Variants in MAN1C1 observed in about 807,000 individuals in gnomAD.
MAN1C1 encodes mannosidase alpha class 1C member 1.
Under a neutral mutation model 71.5 loss-of-function variants are expected in MAN1C1, and 49 were observed. That is an observed-to-expected ratio of 0.69 (90% CI 0.54 to 0.87). MAN1C1 has a LOEUF of 0.87. Ranked by LOEUF, MAN1C1 falls within the 40% of genes least tolerant of loss-of-function variation. The probability of loss-of-function intolerance (pLI) is 0.00; values close to 1 mark genes in which losing one functional copy is unlikely to be tolerated. For missense variants in MAN1C1, 743 were observed against 835.0 expected, an observed-to-expected ratio of 0.89 and a Z score of 1.36; for synonymous variants, 352 against 343.7, an observed-to-expected ratio of 1.02 and a Z score of -0.27.
At chr1:25,738,272 T>G (rs937704395) in intron 2 of MAN1C1, among the ~76,000 whole-genome samples, 5 of 151,920 alleles carry the variant, frequency 3.3e-5, no homozygotes, top group African/African-American at 1.2e-4. Context: ...GGAAAAAAAA[T>G]TAAAACACGA....
intron 1 of MAN1C1, among the ~76,000 whole-genome samples, chr1:25,666,171 C>T (rs959620062): frequency 6.6e-6 from 1 of 152,188 alleles, no homozygotes; most frequent in Non-Finnish European, 1.5e-5. Flanking sequence ...AATTATGCCT[C>T]TGATTTCTTC....
intron 1 of MAN1C1, among the ~76,000 whole-genome samples, chr1:25,674,356 A>G (rs2046034821): frequency 1.3e-5 from 2 of 152,164 alleles, no homozygotes; most frequent in Non-Finnish European, 2.9e-5. Flanking sequence ...TTTAATCAAC[A>G]TATTTTTATG....
At chr1:25,718,366 A>T (rs1456577723) in intron 2 of MAN1C1, among the ~76,000 whole-genome samples, 1 of 151,974 alleles carries the variant, frequency 6.6e-6, no homozygotes, top group Non-Finnish European at 1.5e-5. Context: ...TGGACAGTTG[A>T]CTCTCTGCCT....
chr1:25,768,598 T>C (rs1194773223), intron 7 of MAN1C1, among the ~76,000 whole-genome samples: 5 of 43,164 alleles, frequency 1.2e-4, no homozygotes, highest in African/African-American at 1.7e-4. Flanking sequence ...ACACCCACAC[T>C]CCCCTCACAT....
rs141027576 is a variant in MAN1C1, at chr1:25,744,320, C to T, written c.638-2348C>T. Among the ~76,000 whole-genome samples the T allele has an allele frequency of 1.7e-4, 26 of 152,258 alleles. No homozygotes were observed. The East Asian group carries it at 4.6e-3, about 27-fold the overall frequency. On this transcript the variant is annotated intron_variant, in intron 2 of 11. Coordinates refer to ENST00000374332, the MANE Select transcript of MAN1C1 (RefSeq NM_020379.4). Reference sequence around the variant, plus strand: ...TACAGGGGAAGCAGCTGGGATGAACCGGCAAAGGATCAAGTCTGTTTGGCT... The same window carrying T: ...TACAGGGGAAGCAGCTGGGATGAACTGGCAAAGGATCAAGTCTGTTTGGCT...
At chr1:25,698,418 G>A (rs1002504502) in intron 2 of MAN1C1, among the ~76,000 whole-genome samples, 1 of 152,130 alleles carries the variant, frequency 6.6e-6, no homozygotes. Flanking sequence ...GATTGGTGTT[G>A]GGATCTCATG....
At chr1:25,679,950 A>AAAAAAAATAT (rs1285307256) in intron 1 of MAN1C1, among the ~76,000 whole-genome samples, 9 of 117,260 alleles carry the variant, frequency 7.7e-5, no homozygotes, top group African/African-American at 3.4e-4. Context: ...AAAAAAAAAA[A>AAAAAAAATAT]ATATATATAT....
In MAN1C1 at chr1:25,749,273, TTTGAGG is replaced by T; in HGVS notation, c.774_779del (p.Phe258_Val260delinsLeu). 6.2e-7 allele frequency: 1 copy of T among 1,612,516 alleles called. No individual in the cohort carries two copies. On this transcript the variant is annotated inframe_deletion, in exon 4 of 12. Coordinates refer to ENST00000374332, the MANE Select transcript of MAN1C1 (RefSeq NM_020379.4). ...CCTGCAGAGCGGAGAAGCATCCTTG[TTTGAGG>T]TGAACATCCGCTACATCGGGGGACT...
At position 25,746,708 on chromosome 1, in the gene MAN1C1, C is replaced by T. The variant is rs1279250235; in HGVS notation, c.678C>T (p.Thr226=). The change falls in exon 3 of 12, where the codon ACC becomes ACT. Residue 226 remains threonine, a synonymous_variant. Transcript: ENST00000374332. This position sits in a 1 kb window ranked among gnomAD's most constrained non-coding sequence, Gnocchi z 4.0. ...CAACAGTCATTGACTCCCTCGATAC[C>T]CTCTACCTCATGGAGCTGAAGGAGG... The part of the protein sequence containing the change: ...SGATVIDSLD[T]LYLMELKEEF... 4.3e-6 allele frequency: 7 copies of T among 1,613,944 alleles called. No individual in the cohort carries two copies. Among genetic ancestry groups the T allele is most frequent in the Non-Finnish European group, 5.1e-6 (6 of 1,179,988 alleles).
chr1:25,658,308 A>G (rs913251340), intron 1 of MAN1C1, among the ~76,000 whole-genome samples: 1 of 152,152 alleles, frequency 6.6e-6, no homozygotes, highest in African/African-American at 2.4e-5. Flanking sequence ...CAGGCTATGA[A>G]TCTAGAGTGA....
intron 1 of MAN1C1, among the ~76,000 whole-genome samples, chr1:25,628,638 C>T (rs575195616): frequency 2.7e-4 from 41 of 152,230 alleles, no homozygotes; most frequent in African/African-American, 9.9e-4. Context: ...TTTTGGAGTG[C>T]AAGTGGTCTT....
intron 2 of MAN1C1, among the ~76,000 whole-genome samples, chr1:25,698,818 A>T (rs2046400089): frequency 6.6e-6 from 1 of 151,912 alleles, no homozygotes; most frequent in African/African-American, 2.4e-5. Context: ...GCATGGTGGC[A>T]TGCATCTGTA....
Position 25,783,648 on chromosome 1 carries a change from C to G in MAN1C1, c.1767-15C>G, listed in dbSNP as rs762847150. ...ACAGACTGTGTCTTGCTTCCCTGCC[C>G]TGCGTGGGGCACAGGTATCTCTATC... is the stretch of plus-strand genomic sequence containing the variant. On this transcript the variant is annotated splice_polypyrimidine_tract_variant and intron_variant, in intron 11 of 11. Transcript: ENST00000374332. 1.2e-6 allele frequency: 2 copies of G among 1,610,394 alleles called. No homozygotes were observed. The highest frequency in any genetic ancestry group is 2.2e-5 in the South Asian group (2 of 91,038).
Position 25,746,696 on chromosome 1 carries a change from C to G in MAN1C1, c.666C>G (p.Asp222Glu). 6.2e-7 allele frequency: 1 copy of G among 1,614,118 alleles called. No homozygotes were observed. The highest frequency in any genetic ancestry group is 8.5e-7 in the Non-Finnish European group (1 of 1,179,982). ...GCCTCAGCGGGGCAACAGTCATTGACTCCCTCGATACCCTCTACCTCATGG... is the reference window on the plus strand; with the variant it reads ...GCCTCAGCGGGGCAACAGTCATTGAGTCCCTCGATACCCTCTACCTCATGG... Reference protein sequence around the residue: ...FGGLSGATVIDSLDTLYLMEL... With the variant: ...FGGLSGATVIESLDTLYLMEL... Residue 222 changes from aspartate to glutamate, a missense_variant, in exon 3 of 12, where the codon GAC becomes GAG. Transcript: ENST00000374332. The surrounding 1 kb of genome is among the most constrained non-coding windows in gnomAD (Gnocchi z 4.0).
chr1:25,656,819 A>G (rs1276789195), intron 1 of MAN1C1, among the ~76,000 whole-genome samples: 1 of 147,118 alleles, frequency 6.8e-6, no homozygotes, highest in Non-Finnish European at 1.5e-5. Context: ...AGATAGACCA[A>G]CCTTGCGTCT....
At chr1:25,655,184 T>C (rs2045747765) in intron 1 of MAN1C1, among the ~76,000 whole-genome samples, 1 of 152,182 alleles carries the variant, frequency 6.6e-6, no homozygotes, top group Admixed American at 6.5e-5. Flanking sequence ...TACCGTGTGA[T>C]CTTGGGAAAG....
chr1:25,655,043 T>A (rs906383115), intron 1 of MAN1C1, among the ~76,000 whole-genome samples: 10 of 152,212 alleles, frequency 6.6e-5, no homozygotes, highest in African/African-American at 1.9e-4. Context: ...AACAAGTCTT[T>A]ATTGGTTTGA....
At chr1:25,699,059 C>G (rs191035699) in intron 2 of MAN1C1, among the ~76,000 whole-genome samples, 6 of 151,992 alleles carry the variant, frequency 3.9e-5, no homozygotes, top group African/African-American at 1.4e-4. Flanking sequence ...ATAATCCCAG[C>G]ACTTTGGGAG....
At chr1:25,755,414 G>C (rs1180351144) in intron 5 of MAN1C1, among the ~76,000 whole-genome samples, 1 of 152,204 alleles carries the variant, frequency 6.6e-6, no homozygotes, top group Non-Finnish European at 1.5e-5. Context: ...GGATACACAA[G>C]CTGGCCTTTG....
Sources: allele counts gnomAD v4.1 joint callset (sites outside exome capture counted in the v4.1 genomes callset), GRCh38; gene constraint gnomAD v4.1.1; non-coding constraint Gnocchi (gnomAD v3.1); transcripts MANE v1.5; gene names NCBI Gene and HGNC (gene_info 2026-07-23, HGNC 2026-07-21).